Variants in PARVB observed in about 807,000 individuals in gnomAD.
The protein encoded by PARVB is beta-parvin.
Under a neutral mutation model 47.0 loss-of-function variants are expected in PARVB, and 46 were observed. The ratio of observed to expected loss-of-function variants is 0.98; its 90% CI spans 0.77 to 1.25. The LOEUF is 1.25. Ranked by LOEUF, PARVB falls within the 50% of genes most tolerant of loss-of-function variation. The pLI is 0.00. For synonymous variants in PARVB, 196 were observed against 196.3 expected, an observed-to-expected ratio of 1.00 and a Z score of 0.01; for missense variants, 473 against 471.6, an observed-to-expected ratio of 1.00 and a Z score of -0.03.
chr22:44,050,725 C>T (rs1045247397), intron 1 of PARVB, among the ~76,000 whole-genome samples: 10 of 152,298 alleles, frequency 6.6e-5, no homozygotes, highest in African/African-American at 2.4e-4. Context: ...CACTTGTCCC[C>T]TGTTAGCTCA....
At chr22:44,114,319 T>C (rs534086072) in intron 3 of PARVB, 9 of 150,610 alleles carry the variant, frequency 6.0e-5, no homozygotes, top group African/African-American at 2.0e-4. Flanking sequence ...ATGGATACAT[T>C]GTACATTGTT....
In PARVB at chr22:44,024,460, GCGC is replaced by G; in HGVS notation, c.112+11_112+13del. On this transcript the variant is annotated intron_variant, in intron 1 of 12. Transcript: ENST00000338758. ...GCGGAGGGCGCGCGAGGGTGAGTGC[GCGC>G]CCGCGCCCGCCGACCCCCGGGGACC... 1 of 1,144,030 alleles carries G rather than the reference GCGC, an allele frequency of 8.7e-7. No homozygotes were observed. Among genetic ancestry groups the G allele is most frequent in the Non-Finnish European group, 1.1e-6 (1 of 930,020 alleles). 70.9% of individuals were successfully genotyped at this position (1,144,030 alleles called of 1,614,324 possible). A position where few individuals can be genotyped will look rare whatever the true frequency, so the allele number is the denominator to read the frequency against.
At chr22:44,118,820 T>G (rs1601632173) in intron 3 of PARVB, among the ~76,000 whole-genome samples, 2 of 152,096 alleles carry the variant, frequency 1.3e-5, no homozygotes, top group South Asian at 4.2e-4. Flanking sequence ...GCGGCTGCAG[T>G]GCTGTGCAGC....
intron 4 of PARVB, among the ~76,000 whole-genome samples, chr22:44,131,195 G>A (rs6006668): frequency 0.27 from 40,374 of 148,550 alleles, 5,871 homozygotes; most frequent in East Asian, 0.58. Flanking sequence ...AGGCTTGGGT[G>A]CAATGGCATG....
At chr22:44,164,615 G>A (rs548435066) in intron 12 of PARVB, among the ~76,000 whole-genome samples, 2 of 152,300 alleles carry the variant, frequency 1.3e-5, no homozygotes, top group East Asian at 3.9e-4. Context: ...GAAGACATCT[G>A]TTTGCCTCCA....
intron 10 of PARVB, among the ~76,000 whole-genome samples, chr22:44,154,796 ATG>A (rs1345864889): frequency 4.0e-5 from 4 of 100,644 alleles, no homozygotes; most frequent in South Asian, 3.3e-4. Context: ...GTGTGGTGTG[ATG>A]TGTGTGTGTA....
chr22:44,088,137 C>T (rs552051618), intron 1 of PARVB, among the ~76,000 whole-genome samples: 7 of 152,296 alleles, frequency 4.6e-5, no homozygotes, highest in Admixed American at 1.3e-4. Flanking sequence ...CCAAAACCAG[C>T]AGCCTGGCTC....
At chr22:44,003,434 A>G (rs1479975719) in intron 2 of PARVB, among the ~76,000 whole-genome samples, 1 of 152,220 alleles carries the variant, frequency 6.6e-6, no homozygotes. Context: ...ACCTGACTGC[A>G]GAAATCAAGT....
At chr22:44,025,332 G>A (rs2050710942) in intron 1 of PARVB, among the ~76,000 whole-genome samples, 1 of 152,132 alleles carries the variant, frequency 6.6e-6, no homozygotes, top group Admixed American at 6.5e-5. Context: ...TGTGCCTCCA[G>A]GGATTAGTGT....
At chr22:44,165,257 A>G (rs576169778) in intron 12 of PARVB, among the ~76,000 whole-genome samples, 1 of 152,298 alleles carries the variant, frequency 6.6e-6, no homozygotes, top group Non-Finnish European at 1.5e-5. Flanking sequence ...TACAGGCACG[A>G]GCCCCCATGC....
At chr22:44,051,927 C>T (rs1216002096) in intron 1 of PARVB, among the ~76,000 whole-genome samples, 1 of 152,068 alleles carries the variant, frequency 6.6e-6, no homozygotes, top group African/African-American at 2.4e-5. Context: ...AGAGATGCTG[C>T]CACAAGCCAA....
intron 1 of PARVB, among the ~76,000 whole-genome samples, chr22:44,085,589 C>T (rs912685365): frequency 6.6e-6 from 1 of 152,212 alleles, no homozygotes; most frequent in South Asian, 2.1e-4. Context: ...TAGGTGTGAG[C>T]CACTGCAGCT....
Position 44,049,769 on chromosome 22 carries a change from G to A in PARVB, c.112+25318G>A, listed in dbSNP as rs2051174678. On this transcript the variant is annotated intron_variant, in intron 1 of 12. Transcript: ENST00000338758. This position sits in a 1 kb window ranked among gnomAD's most constrained non-coding sequence, Gnocchi z 4.0. The stretch of plus-strand genomic sequence containing the variant: ...TGGTGCTTTCTTCCTATTAAAGCAG[G>A]AGACCTCTGCCCGGGAACGGGCCAT... Among the ~76,000 whole-genome samples the A allele has an allele frequency of 6.6e-6, 1 of 152,358 alleles. No homozygotes were observed. Among genetic ancestry groups the A allele is most frequent in the Admixed American group, 6.5e-5 (1 of 15,308 alleles).
chr22:44,093,990 G>C lies in PARVB; in HGVS notation c.175G>C (p.Asp59His), dbSNP rs774701152. Residue 59 changes from aspartate to histidine, a missense_variant, in exon 2 of 13, where the codon GAT (aspartate) becomes CAT (histidine). Asp to His is a moderately conservative substitution (Grantham distance 81). Transcript: ENST00000338758. ...INSPMSPALV[D>H]VHPEDTQLEE... ...CTCACCGATGTCCCCCGCCCTGGTG[G>C]ATGTTCACCCTGAAGACACCCAGCT... 3 of 1,612,238 alleles carry C rather than the reference G, an allele frequency of 1.9e-6. No individual in the cohort carries two copies. The highest frequency in any genetic ancestry group is 3.3e-5 in the Admixed American group (2 of 59,962).
intron 1 of PARVB, among the ~76,000 whole-genome samples, chr22:44,071,026 G>A (rs2051643188): frequency 6.6e-6 from 1 of 152,334 alleles, no homozygotes; most frequent in Non-Finnish European, 1.5e-5. Flanking sequence ...TGGGGTAGGA[G>A]TCACTGTGAA....
intron 1 of PARVB, among the ~76,000 whole-genome samples, chr22:44,088,868 T>G (rs1484426695): frequency 6.6e-6 from 1 of 152,194 alleles, no homozygotes; most frequent in Non-Finnish European, 1.5e-5. Flanking sequence ...CTCTCCCCCT[T>G]TCCAATGGAC....
rs552546339 is a variant in PARVB at position 44,032,332 on chromosome 22, C to A, written c.112+7881C>A. Among the ~76,000 whole-genome samples the A allele has an allele frequency of 7.9e-5, 12 of 152,322 alleles. 1 individual carries two copies. In the South Asian group the frequency reaches 2.5e-3, roughly 32 times the overall value. On this transcript the variant is annotated intron_variant, in intron 1 of 12. Transcript: ENST00000338758. ...ATCAGCCCTGGGAAACCAGCGGAGT[C>A]TTTTACCTCCTCTGATGTTCTGACT...
At chr22:44,131,699 T>G (rs1253386697) in intron 5 of PARVB, 72 bp downstream of exon 5, 1 of 1,478,748 alleles carries the variant, frequency 6.8e-7, no homozygotes, top group African/African-American at 1.4e-5. Context: ...CATCCACATT[T>G]GTCATCCACA....
intron 4 of PARVB, among the ~76,000 whole-genome samples, chr22:44,120,684 T>C (rs1054042057): frequency 3.3e-5 from 5 of 152,058 alleles, no homozygotes; most frequent in African/African-American, 1.2e-4. Context: ...TTATTTGTTC[T>C]ATTTTGGTAG....
Sources: allele counts gnomAD v4.1 joint callset (sites outside exome capture counted in the v4.1 genomes callset), GRCh38; gene constraint gnomAD v4.1.1; non-coding constraint Gnocchi (gnomAD v3.1); transcripts MANE v1.5; gene names NCBI Gene and HGNC (gene_info 2026-07-23, HGNC 2026-07-21).